The following PODXL variants were observed in gnomAD, a reference collection of about 807,000 sequenced individuals.
PODXL encodes the protein podocalyxin.
PODXL carries 20 observed loss-of-function variants against 48.9 expected under a neutral mutation model. The ratio of observed to expected loss-of-function variants is 0.41; its 90% CI spans 0.29 to 0.59. The LOEUF (loss-of-function observed/expected upper bound fraction) is 0.59, where lower values mean the gene tolerates loss of function less well. PODXL is among the 20% of genes least tolerant of loss of function. The pLI is 0.31. For synonymous variants in PODXL, 295 were observed against 287.4 expected (o/e 1.03, Z -0.27); for missense variants, 606 against 675.1 (o/e 0.90, Z 1.13).
At position 131,511,373 on chromosome 7, in the gene PODXL, G is replaced by A. The variant is rs1347496306; in HGVS notation, c.161C>T (p.Thr54Ile). The stretch of plus-strand genomic sequence containing the variant: ...CTGGGCTGTATCTGTAGCCATGATG[G>A]TGACACTGGATGCTGGAGTCGGTGC... ...KTAPTPASSV[T>I]IMATDTAQQS... Residue 54 changes from threonine (T) to isoleucine (I), a missense_variant, in exon 2 of 9, where the codon ACC becomes ATC. Coordinates refer to ENST00000378555, the MANE Select transcript of PODXL (RefSeq NM_001018111.3). 34 of 1,608,562 alleles carry A rather than the reference G, an allele frequency of 2.1e-5. No individual in the cohort carries two copies. The highest frequency in any genetic ancestry group is 2.8e-5 in the Non-Finnish European group (33 of 1,179,872).
intron 1 of PODXL, among the ~76,000 whole-genome samples, chr7:131,538,418 A>C (rs6953894): frequency 6.6e-6 from 1 of 151,868 alleles, no homozygotes; most frequent in South Asian, 2.1e-4. Flanking sequence ...CACAGGGTTC[A>C]ATGACCTCTA....
At chr7:131,518,527 G>C (rs966339216) in intron 1 of PODXL, among the ~76,000 whole-genome samples, 4 of 152,140 alleles carry the variant, frequency 2.6e-5, no homozygotes, top group Non-Finnish European at 5.9e-5. Flanking sequence ...GATGCTGTCC[G>C]TAAGAGGTCT....
Position 131,505,864 on chromosome 7 carries a change from T to A in PODXL, c.1479+4A>T. The A allele has an allele frequency of 6.4e-7, 1 of 1,556,976 alleles. No individual in the cohort carries two copies. The highest frequency in any genetic ancestry group is 8.7e-7 in the Non-Finnish European group (1 of 1,150,356). ...CCCCTGTGTGGCTGCAAACAGCTGC[T>A]TACCTGGTCCTTCCTCTGGGAGAGG... is the stretch of plus-strand genomic sequence containing the variant. On this transcript the variant is annotated splice_donor_region_variant and intron_variant, in intron 8 of 8. Coordinates refer to ENST00000378555, the MANE Select transcript of PODXL (RefSeq NM_001018111.3).
Position 131,504,437 on chromosome 7 carries a change from C to T in PODXL, c.1551G>A (p.Glu517=), listed in dbSNP as rs112286585. The T allele has an allele frequency of 6.2e-7, 1 of 1,613,686 alleles. No homozygotes were observed. The highest frequency in any genetic ancestry group is 8.5e-7 in the Non-Finnish European group (1 of 1,179,518). The change falls in exon 9 of 9, where the codon GAG becomes GAA. Residue 517 remains glutamate (E), a synonymous_variant. Coordinates refer to ENST00000378555, the MANE Select transcript of PODXL (RefSeq NM_001018111.3). ...TCTTCTCCTGCATCTCAGAAGAGGT[C>T]TCCATCACTTCCAGTGTTGGGTTGT... The part of the protein sequence containing the change: ...YHDNPTLEVM[E]TSSEMQEKKV...
chr7:131,509,415 G>T lies in PODXL; in HGVS notation c.973C>A (p.His325Asn), dbSNP rs1797871397. The change falls in exon 4 of 9, where the codon CAC becomes AAC. Residue 325 changes from histidine to asparagine, a missense_variant. By Grantham distance (68) the His-to-Asn change is moderately conservative (BLOSUM62 1). Transcript: ENST00000378555. ...GGAGAAGGTGTTTTGGGGTATCGGT[G>T]GGTAGTTGATGCTGCTGTGGGGCTG... ...SSSPTAASTT[H>N]RYPKTPSPTV... 1.9e-6 allele frequency: 3 copies of T among 1,614,126 alleles called. No homozygotes were observed. The highest frequency in any genetic ancestry group is 2.5e-6 in the Non-Finnish European group (3 of 1,180,018).
At chr7:131,515,880 T>C (rs1013368) in intron 1 of PODXL, among the ~76,000 whole-genome samples, 50,852 of 152,068 alleles carry the variant, frequency 0.33, 9,121 homozygotes, top group Admixed American at 0.45. Flanking sequence ...TGATCCCCAC[T>C]GCTCTTTATT....
chr7:131,535,025 C>T (rs780828976), intron 1 of PODXL, among the ~76,000 whole-genome samples: 2 of 151,710 alleles, frequency 1.3e-5, no homozygotes, highest in African/African-American at 4.8e-5. Flanking sequence ...GCACTCCAGC[C>T]GGGGTGACAA....
chr7:131,549,859 AAAG>A (rs1798641871), intron 1 of PODXL, among the ~76,000 whole-genome samples: 1 of 152,212 alleles, frequency 6.6e-6, no homozygotes, highest in Admixed American at 6.5e-5. Context: ...TAAGGCTACA[AAAG>A]AAGAGAGGGT....
intron 1 of PODXL, among the ~76,000 whole-genome samples, chr7:131,554,085 C>T (rs1183461645): frequency 3.3e-5 from 5 of 152,156 alleles, no homozygotes; most frequent in Non-Finnish European, 7.3e-5. Flanking sequence ...ATCTTTCTTG[C>T]TTTGAATCAA....
chr7:131,540,643 T>G (rs532368361), intron 1 of PODXL, among the ~76,000 whole-genome samples: 1 of 152,218 alleles, frequency 6.6e-6, no homozygotes, highest in South Asian at 2.1e-4. Context: ...CCCCTAGCAG[T>G]AAGTTCAAAA....
At chr7:131,516,498 CAG>C (rs1192362422) in intron 1 of PODXL, among the ~76,000 whole-genome samples, 1 of 151,754 alleles carries the variant, frequency 6.6e-6, no homozygotes, top group East Asian at 1.9e-4. Flanking sequence ...ACCTGGGAGA[CAG>C]AGAGATACTG....
At position 131,508,994 on chromosome 7, in the gene PODXL, CTCTGTG is replaced by C. The variant is rs1797860758; in HGVS notation, c.1052_1057del (p.Thr351_Gln352del). The C allele has an allele frequency of 1.2e-6, 2 of 1,614,102 alleles. No individual in the cohort carries two copies. ...GAGGTTCAGGACGAGCTGCTTCTCA[CTCTGTG>C]TCTGTGTCTCAAGATCCTCACACTT... On this transcript the variant is annotated inframe_deletion, in exon 5 of 9. Coordinates refer to ENST00000378555, the MANE Select transcript of PODXL (RefSeq NM_001018111.3).
At position 131,504,522 on chromosome 7, in the gene PODXL, G is replaced by A; in HGVS notation, c.1480-14C>T. ...TGTTAGCCGCTGCTAGAGTGGGGAA[G>A]GTGACCGGTGAGAAGGGGGTTTCAG... On this transcript the variant is annotated splice_polypyrimidine_tract_variant and intron_variant, in intron 8 of 8. Coordinates refer to ENST00000378555, the MANE Select transcript of PODXL (RefSeq NM_001018111.3). 1.2e-6 allele frequency: 2 copies of A among 1,612,618 alleles called. No individual in the cohort carries two copies. Among genetic ancestry groups the A allele is most frequent in the East Asian group, 2.2e-5 (1 of 44,874 alleles).
At chr7:131,555,325 ACT>A (rs1357412262) in intron 1 of PODXL, among the ~76,000 whole-genome samples, 2 of 151,948 alleles carry the variant, frequency 1.3e-5, no homozygotes, top group Admixed American at 1.3e-4. Context: ...GGCTGAGCTG[ACT>A]CTGGCTGTTC....
intron 1 of PODXL, among the ~76,000 whole-genome samples, chr7:131,511,898 C>A (rs1483890422): frequency 6.6e-6 from 1 of 152,184 alleles, no homozygotes; most frequent in Non-Finnish European, 1.5e-5. Context: ...CCACACACAT[C>A]CCCTTTAAGT....
chr7:131,537,311 T>TA (rs1562914885), intron 1 of PODXL, among the ~76,000 whole-genome samples: 3 of 133,158 alleles, frequency 2.3e-5, no homozygotes, highest in Admixed American at 8.8e-5. Context: ...ACCTGTTTTT[T>TA]TAAAAAAAAA....
At position 131,504,304 on chromosome 7, in the gene PODXL, G is replaced by T; in HGVS notation, c.*7C>A. ...GTGGTGCTGCTGGAGGCCACCGGCAGACCGGACTAGAGGTGTGTGTCTTCC... is the reference window on the plus strand; with the variant it reads ...GTGGTGCTGCTGGAGGCCACCGGCATACCGGACTAGAGGTGTGTGTCTTCC... On this transcript the variant is annotated 3_prime_UTR_variant, in exon 9 of 9. Transcript: ENST00000378555. 6.2e-7 allele frequency: 1 copy of T among 1,613,456 alleles called. No individual in the cohort carries two copies. The highest frequency in any genetic ancestry group is 1.1e-5 in the South Asian group (1 of 91,030).
At chr7:131,538,201 C>T (rs1166396460) in intron 1 of PODXL, among the ~76,000 whole-genome samples, 2 of 152,274 alleles carry the variant, frequency 1.3e-5, no homozygotes, top group South Asian at 2.1e-4. Flanking sequence ...CCCCCCTACC[C>T]CCAGGCAGAC....
chr7:131,506,724 T>C lies in PODXL; in HGVS notation c.1104A>G (p.Ala368=), dbSNP rs936312526. 1 of 1,613,984 alleles carries C rather than the reference T, an allele frequency of 6.2e-7. No individual in the cohort carries two copies. The highest frequency in any genetic ancestry group is 1.3e-5 in the African/African-American group (1 of 74,932). ...VLNLTGNTLC[A]GGASDEKLIS... ...TCAATTTCTCATCCGAAGCGCCCCC[T>C]GCCTATGGTGGGGAGAGCGCAGGTG... Residue 368 remains alanine, a splice_region_variant and synonymous_variant, in exon 6 of 9, where the codon GCA becomes GCG. Coordinates refer to ENST00000378555, the MANE Select transcript of PODXL (RefSeq NM_001018111.3).
Sources: allele counts gnomAD v4.1 joint callset (sites outside exome capture counted in the v4.1 genomes callset), GRCh38; gene constraint gnomAD v4.1.1; transcripts MANE v1.5; gene names NCBI Gene and HGNC (gene_info 2026-07-23, HGNC 2026-07-21).